The following GALNT2 variants were observed in gnomAD, a reference collection of about 807,000 sequenced individuals.
The protein encoded by GALNT2 is polypeptide N-acetylgalactosaminyltransferase 2.
A neutral mutation model predicts 81.4 loss-of-function variants in GALNT2; 31 were observed. The ratio of observed to expected loss-of-function variants is 0.38; its 90% CI spans 0.29 to 0.51. GALNT2 has a LOEUF of 0.51. GALNT2 is among the 20% of genes least tolerant of loss of function. GALNT2 has a pLI of 0.87. For missense variants in GALNT2, 629 were observed against 765.7 expected (o/e 0.82, Z 2.11); for synonymous variants, 303 against 287.4 (o/e 1.05, Z -0.55).
chr1:230,155,528 C>G (rs540468447), intron 1 of GALNT2, among the ~76,000 whole-genome samples: 1 of 152,236 alleles, frequency 6.6e-6, no homozygotes, highest in African/African-American at 2.4e-5. Context: ...TCAGGATCTT[C>G]CAAAACAGAT....
At chr1:230,220,542 G>T (rs1306821585) in intron 3 of GALNT2, among the ~76,000 whole-genome samples, 2 of 151,988 alleles carry the variant, frequency 1.3e-5, no homozygotes, top group South Asian at 2.1e-4. Flanking sequence ...ACCCAGCGTA[G>T]CTCCTGGTAG....
upstream of GALNT2, among the ~76,000 whole-genome samples, chr1:230,066,908 G>A (rs988429978): frequency 3.3e-5 from 5 of 151,088 alleles, no homozygotes; most frequent in African/African-American, 1.2e-4. Flanking sequence ...CGGGCGGCCG[G>A]GGGCGGGGCG....
At chr1:230,078,279 G>T (rs1011959007) in intron 1 of GALNT2, among the ~76,000 whole-genome samples, 1 of 149,958 alleles carries the variant, frequency 6.7e-6, no homozygotes, top group Admixed American at 6.6e-5. Flanking sequence ...TGTCGTATTT[G>T]GGGGGGGATC....
At chr1:230,169,682 A>G (rs1197627948) in intron 1 of GALNT2, among the ~76,000 whole-genome samples, 1 of 152,242 alleles carries the variant, frequency 6.6e-6, no homozygotes, top group East Asian at 1.9e-4. Context: ...AGCACAAGTC[A>G]TTGTTACAGT....
intron 1 of GALNT2, among the ~76,000 whole-genome samples, chr1:230,110,388 C>T (rs546418813): frequency 2.6e-5 from 4 of 152,256 alleles, no homozygotes; most frequent in East Asian, 3.9e-4. Context: ...TGAGCTCTGA[C>T]GGCCTGGGAG....
chr1:230,082,197 C>T (rs1477578330), intron 1 of GALNT2, among the ~76,000 whole-genome samples: 1 of 152,204 alleles, frequency 6.6e-6, no homozygotes, highest in East Asian at 1.9e-4. Flanking sequence ...GTGGAGTTGC[C>T]TTCAATCTGG....
At chr1:230,131,535 A>G (rs1423094388) in intron 1 of GALNT2, among the ~76,000 whole-genome samples, 1 of 152,108 alleles carries the variant, frequency 6.6e-6, no homozygotes, top group African/African-American at 2.4e-5. Context: ...CCTTACCTGT[A>G]AGCCATCTGG....
In GALNT2 at chr1:230,243,743, C is replaced by T. The variant is rs184846758; in HGVS notation, c.729+316C>T. On this transcript the variant is annotated intron_variant, in intron 7 of 15. Coordinates refer to ENST00000366672, the MANE Select transcript of GALNT2 (RefSeq NM_004481.5). The surrounding 1 kb of genome is among the most constrained non-coding windows in gnomAD (Gnocchi z 4.2). ...TTTTCATGGGAGCAGTTTCCTTCCC[C>T]GCCTACAGCTTCGCAGAGTGCTTAG... Among the ~76,000 whole-genome samples, 112 of 152,322 alleles carry T rather than the reference C, an allele frequency of 7.4e-4. No individual in the cohort carries two copies. Among genetic ancestry groups the T allele is most frequent in the African/African-American group, 2.5e-3 (105 of 41,574 alleles).
At chr1:230,245,459 C>T (rs1329774632) in intron 7 of GALNT2, among the ~76,000 whole-genome samples, 1 of 149,694 alleles carries the variant, frequency 6.7e-6, no homozygotes, top group Non-Finnish European at 1.5e-5. Context: ...AGTGAAACTC[C>T]GTCTCAAAAA....
In GALNT2 at chr1:230,090,606, T is replaced by C. The variant is rs370779914; in HGVS notation, c.126+23200T>C. 5.1e-4 allele frequency among the ~76,000 whole-genome samples: 78 copies of C among 152,306 alleles called. 1 individual carries two copies. In the East Asian group the frequency reaches 0.015, roughly 29 times the overall value. ...AAAGTTCCTGGACTCGAATTTTCTG[T>C]TGGCAAATAAGCTGGTCAGAACTTA... is the stretch of plus-strand genomic sequence containing the variant. On this transcript the variant is annotated intron_variant, in intron 1 of 15. Transcript: ENST00000366672.
chr1:230,110,380 A>G (rs1018076385), intron 1 of GALNT2, among the ~76,000 whole-genome samples: 1 of 152,056 alleles, frequency 6.6e-6, no homozygotes, highest in African/African-American at 2.4e-5. Flanking sequence ...AGCTGTTGTG[A>G]GCTCTGACGG....
At chr1:230,205,939 C>G (rs2102709199) in intron 3 of GALNT2, among the ~76,000 whole-genome samples, 1 of 152,276 alleles carries the variant, frequency 6.6e-6, no homozygotes, top group East Asian at 1.9e-4. Flanking sequence ...TGATTAAGAG[C>G]TACTGACTGA....
intron 11 of GALNT2, chr1:230,255,560 A>T: frequency 3.4e-6 from 2 of 588,366 alleles, no homozygotes; most frequent in East Asian, 3.0e-5. Flanking sequence ...AAGCAGTTAC[A>T]TACATGATTC....
Position 230,236,673 on chromosome 1 carries a change from T to C in GALNT2, c.555T>C (p.Ala185=), listed in dbSNP as rs760060152. ...DDYSNDPEDG[A]LLGKIEKVRV... is the part of the protein sequence containing the mutation. The stretch of plus-strand genomic sequence containing the variant: ...TTCTTTTCCTAGCTGAGGACGGGGC[T>C]CTCTTGGGGAAAATTGAGAAAGTGC... The change falls in exon 6 of 16, where the codon GCT becomes GCC. Residue 185 remains alanine, a synonymous_variant. Coordinates refer to ENST00000366672, the MANE Select transcript of GALNT2 (RefSeq NM_004481.5). 9 of 1,613,076 alleles carry C rather than the reference T, an allele frequency of 5.6e-6. No homozygotes were observed. The highest frequency in any genetic ancestry group is 2.2e-5 in the South Asian group (2 of 90,774).
chr1:230,090,564 G>C (rs975429158), intron 1 of GALNT2, among the ~76,000 whole-genome samples: 2 of 152,146 alleles, frequency 1.3e-5, no homozygotes, highest in African/African-American at 4.8e-5. Context: ...GGGAGGGCTG[G>C]TGCTTCTGAG....
chr1:230,065,683 G>C (rs896981882), upstream of GALNT2, among the ~76,000 whole-genome samples: 3 of 152,208 alleles, frequency 2.0e-5, no homozygotes, highest in Non-Finnish European at 4.4e-5. Context: ...TCTTTTATCT[G>C]TGTACTGAAA....
chr1:230,089,962 C>A (rs1660016002), intron 1 of GALNT2, among the ~76,000 whole-genome samples: 2 of 152,006 alleles, frequency 1.3e-5, no homozygotes, highest in African/African-American at 4.8e-5. Flanking sequence ...TACTGAGGAA[C>A]CTCCATACTG....
At position 230,070,613 on chromosome 1, in the gene GALNT2, A is replaced by C. The variant is rs1393867733; in HGVS notation, c.126+3207A>C. Among the ~76,000 whole-genome samples, 1 of 148,886 alleles carries C rather than the reference A, an allele frequency of 6.7e-6. No individual in the cohort carries two copies. Among genetic ancestry groups the C allele is most frequent in the Non-Finnish European group, 1.5e-5 (1 of 67,212 alleles). ...CACTTTGCACAGTAGCATCACCCTT[A>C]TTCCCTGAGCTGGCACGAGTCCTGT... is the stretch of plus-strand genomic sequence containing the variant. On this transcript the variant is annotated intron_variant, in intron 1 of 15. Transcript: ENST00000366672. This position sits in a 1 kb window ranked among gnomAD's most constrained non-coding sequence, Gnocchi z 4.7.
intron 11 of GALNT2, chr1:230,259,605 G>A (rs1665817092): frequency 6.6e-6 from 1 of 152,216 alleles, no homozygotes; most frequent in Admixed American, 6.5e-5. Flanking sequence ...AGGATAATCT[G>A]GAGGGAGCTG....
Sources: gnomAD v4.1 joint callset for allele counts (sites outside exome capture counted in the v4.1 genomes callset) on GRCh38, gnomAD v4.1.1 for gene constraint, Gnocchi (gnomAD v3.1) non-coding constraint, MANE v1.5 for transcripts, NCBI Gene and HGNC (gene_info 2026-07-23, HGNC 2026-07-21) for gene names.